CD40LG: variants seen among roughly 807,000 people sequenced by gnomAD.
The protein encoded by CD40LG is CD40 antigen ligand.
CD40LG carries 1 observed loss-of-function variant against 17.2 expected under a neutral mutation model. That is an observed-to-expected ratio of 0.06 (90% CI 0.02 to 0.28). CD40LG has a LOEUF of 0.28. Among genes scored for constraint, CD40LG ranks in the 10% least tolerant of loss-of-function variants. The pLI is 1.00. For synonymous variants in CD40LG, 66 were observed against 74.4 expected, an observed-to-expected ratio of 0.89 and a Z score of 0.58; for missense variants, 133 against 193.2, an observed-to-expected ratio of 0.69 and a Z score of 1.85.
intron 1 of CD40LG, 132 bp downstream of exon 1, chrX:136,648,536 T>A: frequency 1.6e-6 from 1 of 616,140 alleles, no homozygotes; most frequent in Non-Finnish European, 2.7e-6. Context: ...GTTTGTTGCC[T>A]AGTCAATGAA....
chrX:136,656,034 T>C (rs1397663799), intron 3 of CD40LG, among the ~76,000 whole-genome samples: 1 of 111,953 alleles, frequency 8.9e-6, no homozygotes, highest in East Asian at 2.8e-4. Context: ...AAATCCCCAG[T>C]GTATGGAGTT....
intron 4 of CD40LG, 35 bp downstream of exon 4, chrX:136,656,453 A>T (rs2076119415): frequency 1.8e-6 from 2 of 1,122,057 alleles, no homozygotes; most frequent in South Asian, 3.6e-5. Flanking sequence ...TAGCCACCCA[A>T]GGGGAAAGGC....
At chrX:136,654,834 A>G (rs1452104636) in intron 3 of CD40LG, among the ~76,000 whole-genome samples, 1 of 111,425 alleles carries the variant, frequency 9.0e-6, no homozygotes, top group Non-Finnish European at 1.9e-5. Context: ...CTCTGGGATC[A>G]AGGAGTGACA....
chrX:136,652,465 T>A (rs2076106729), intron 2 of CD40LG, among the ~76,000 whole-genome samples: 1 of 111,762 alleles, frequency 8.9e-6, no homozygotes, highest in Non-Finnish European at 1.9e-5. Context: ...CAACCTCAAG[T>A]TTGAATTTGG....
Position 136,648,308 on chromosome X carries a change from C to T in CD40LG, c.60C>T (p.Ser20=). The T allele has an allele frequency of 8.3e-7, 1 of 1,202,732 alleles. No individual in the cohort carries two copies. The highest frequency in any genetic ancestry group is 1.1e-6 in the Non-Finnish European group (1 of 887,275). The change falls in exon 1 of 5, where the codon AGC becomes AGT. Residue 20 remains serine (S), a synonymous_variant. Coordinates refer to ENST00000370629, the MANE Select transcript of CD40LG (RefSeq NM_000074.3). ...PRSAATGLPI[S]MKIFMYLLTV... is the part of the protein sequence containing the mutation. ...CTGCGGCCACTGGACTGCCCATCAG[C>T]ATGAAAATTTTTATGTATTTACTTA...
Position 136,655,138 on chromosome X carries a change from C to G in CD40LG, c.346+708C>G, listed in dbSNP as rs773109982. Among the ~76,000 whole-genome samples the G allele has an allele frequency of 7.2e-5, 8 of 111,626 alleles. No homozygotes were observed. The South Asian group carries it at 2.3e-3, about 32-fold the overall frequency. On this transcript the variant is annotated intron_variant, in intron 3 of 4. Coordinates refer to ENST00000370629, the MANE Select transcript of CD40LG (RefSeq NM_000074.3). ...TCAAACTTTGTTCCTATAATCTCCACTCATTGGTCCCAGTTCTGCTCTTTG... is the reference window on the plus strand; with the variant it reads ...TCAAACTTTGTTCCTATAATCTCCAGTCATTGGTCCCAGTTCTGCTCTTTG...
intron 4 of CD40LG, among the ~76,000 whole-genome samples, chrX:136,658,570 C>T (rs1417663093): frequency 8.9e-6 from 1 of 111,805 alleles, no homozygotes; most frequent in African/African-American, 3.3e-5. Context: ...GCTAGGTAGA[C>T]TGACAACTCT....
At chrX:136,650,148 AT>A (rs1199712597) in intron 1 of CD40LG, 117 bp from the exon 2 acceptor site, 3 of 529,647 alleles carry the variant, frequency 5.7e-6, no homozygotes, top group Non-Finnish European at 1.0e-5. Context: ...ATTATTCTCC[AT>A]TTATGCCTGA....
At chrX:136,649,383 T>A (rs2076097826) in intron 1 of CD40LG, among the ~76,000 whole-genome samples, 1 of 112,137 alleles carries the variant, frequency 8.9e-6, no homozygotes, top group African/African-American at 3.2e-5. Context: ...AGGGCTGAAG[T>A]CATCCACTGG....
intron 2 of CD40LG, among the ~76,000 whole-genome samples, chrX:136,651,509 A>G (rs779367622): frequency 1.6e-4 from 18 of 112,204 alleles, no homozygotes; most frequent in African/African-American, 5.8e-4. Context: ...TACGGAGAAC[A>G]GAATGTGGCT....
chrX:136,651,673 A>T (rs1316545228), intron 2 of CD40LG, among the ~76,000 whole-genome samples: 1 of 112,313 alleles, frequency 8.9e-6, no homozygotes, highest in African/African-American at 3.2e-5. Context: ...GTATTGGAAG[A>T]TGTTACCAGT....
chrX:136,649,245 G>A lies in CD40LG; in HGVS notation c.156+841G>A, dbSNP rs142351033. Among the ~76,000 whole-genome samples, 417 of 112,681 alleles carry A rather than the reference G, an allele frequency of 3.7e-3. 1 individual carries two copies. Among genetic ancestry groups the A allele is most frequent in the South Asian group, 0.013 (36 of 2,726 alleles). ...TCTGGCTGTTCCTAAAATTCTGGATGCAGGAACTGTGGCTAGAAAGCATCT... is the reference window on the plus strand; with the variant it reads ...TCTGGCTGTTCCTAAAATTCTGGATACAGGAACTGTGGCTAGAAAGCATCT... On this transcript the variant is annotated intron_variant, in intron 1 of 4. Transcript: ENST00000370629.
intron 4 of CD40LG, among the ~76,000 whole-genome samples, chrX:136,658,726 A>T (rs920844989): frequency 8.9e-6 from 1 of 112,127 alleles, no homozygotes; most frequent in Non-Finnish European, 1.9e-5. Flanking sequence ...TGGCTATAAG[A>T]ACTCTAACGA....
Position 136,659,408 on chromosome X carries a change from A to G in CD40LG, c.779A>G (p.Lys260Arg). 8.3e-7 allele frequency: 1 copy of G among 1,209,774 alleles called. No individual in the cohort carries two copies. Among genetic ancestry groups the G allele is most frequent in the Non-Finnish European group, 1.1e-6 (1 of 895,281 alleles). Reference sequence around the variant, plus strand: ...GGCTTCACGTCCTTTGGCTTACTCAAACTCTGAACAGTGTCACCTTGCAGG... The same window carrying G: ...GGCTTCACGTCCTTTGGCTTACTCAGACTCTGAACAGTGTCACCTTGCAGG... ...GTGFTSFGLL[K>R]L Residue 260 changes from lysine (K) to arginine (R), a missense_variant, in exon 5 of 5, where the codon AAA becomes AGA. Physicochemically the swap from Lys to Arg is conservative, Grantham distance 26. Coordinates refer to ENST00000370629, the MANE Select transcript of CD40LG (RefSeq NM_000074.3).
intron 2 of CD40LG, 79 bp downstream of exon 2, chrX:136,650,476 A>G: frequency 4.4e-6 from 4 of 910,724 alleles, no homozygotes; most frequent in Admixed American, 2.2e-5. Flanking sequence ...GACAATGCCA[A>G]TGTTTAAAGA....
chrX:136,648,162 C>T lies in CD40LG; in HGVS notation c.-87C>T. On this transcript the variant is annotated 5_prime_UTR_variant, in exon 1 of 5. Coordinates refer to ENST00000370629, the MANE Select transcript of CD40LG (RefSeq NM_000074.3). ...AACGATTGTGCGCTCTTAACTAATC[C>T]TGAGTAAGGTGGCCACTTTGACAGT... 1 of 695,702 alleles carries T rather than the reference C, an allele frequency of 1.4e-6. No individual in the cohort carries two copies. Among genetic ancestry groups the T allele is most frequent in the Admixed American group, 2.2e-5 (1 of 45,100 alleles). 57.3% of individuals were successfully genotyped at this position (695,702 alleles called of 1,213,427 possible). A position where few individuals can be genotyped will look rare whatever the true frequency, so the allele number is the denominator to read the frequency against.
At chrX:136,652,022 G>A (rs1247988884) in intron 2 of CD40LG, among the ~76,000 whole-genome samples, 1 of 111,413 alleles carries the variant, frequency 9.0e-6, no homozygotes, top group African/African-American at 3.3e-5. Flanking sequence ...ACCGAGGATA[G>A]GAGTAAAGAA....
Position 136,659,489 on chromosome X carries a change from C to A in CD40LG, c.*74C>A, listed in dbSNP as rs1371574743. 3.8e-5 allele frequency: 40 copies of A among 1,061,826 alleles called. No homozygotes were observed. Among genetic ancestry groups the A allele is most frequent in the Non-Finnish European group, 5.0e-5 (39 of 772,427 alleles). 87.5% of individuals were successfully genotyped at this position (1,061,826 alleles called of 1,213,427 possible). A position where few individuals can be genotyped will look rare whatever the true frequency, so the allele number is the denominator to read the frequency against. On this transcript the variant is annotated 3_prime_UTR_variant, in exon 5 of 5. Transcript: ENST00000370629. ...TAATACAGCACAGCGGTTAAGCCCA[C>A]CCCCTGTTAACTGCCTATTTATAAC... is the stretch of plus-strand genomic sequence containing the variant.
In CD40LG at chrX:136,648,241, A is replaced by G; in HGVS notation, c.-8A>G. The G allele has an allele frequency of 1.7e-6, 2 of 1,197,660 alleles. No individual in the cohort carries two copies. Among genetic ancestry groups the G allele is most frequent in the Non-Finnish European group, 2.3e-6 (2 of 883,355 alleles). On this transcript the variant is annotated 5_prime_UTR_variant, in exon 1 of 5. Coordinates refer to ENST00000370629, the MANE Select transcript of CD40LG (RefSeq NM_000074.3). ...TGCCAGAAGATACCATTTCAACTTT[A>G]ACACAGCATGATCGAAACATACAAC...
Sources: allele counts gnomAD v4.1 joint callset (sites outside exome capture counted in the v4.1 genomes callset), GRCh38; gene constraint gnomAD v4.1.1; transcripts MANE v1.5; gene names NCBI Gene and HGNC (gene_info 2026-07-23, HGNC 2026-07-21).